Variants in CRACD observed in about 807,000 individuals in gnomAD.
The protein encoded by CRACD is capping protein-inhibiting regulator of actin dynamics.
In CRACD, 56 loss-of-function variants were observed where a neutral mutation model predicts 106.8. The ratio of observed to expected loss-of-function variants is 0.52; its 90% CI spans 0.42 to 0.66. The LOEUF is 0.66. Among genes scored for constraint, CRACD ranks in the 30% least tolerant of loss-of-function variants. The probability of loss-of-function intolerance (pLI) is 0.00; values close to 1 mark genes in which losing one functional copy is unlikely to be tolerated. For synonymous variants in CRACD, 754 were observed against 670.8 expected (o/e 1.12, Z -1.92); for missense variants, 1,730 against 1,623.2 (o/e 1.07, Z -1.13).
At chr4:56,292,563 C>T (rs184807955) in intron 3 of CRACD, among the ~76,000 whole-genome samples, 88 of 151,670 alleles carry the variant, frequency 5.8e-4, no homozygotes, top group Middle Eastern at 3.4e-3. Flanking sequence ...CTTGCTCTGT[C>T]GCCCAGGCTG....
intron 2 of CRACD, among the ~76,000 whole-genome samples, chr4:56,233,924 A>G (rs1346510627): frequency 6.6e-6 from 1 of 152,160 alleles, no homozygotes; most frequent in Non-Finnish European, 1.5e-5. Flanking sequence ...TGTCAGATTT[A>G]TCCCTAAGTA....
intron 1 of CRACD, among the ~76,000 whole-genome samples, chr4:56,092,595 TATTTTTTA>T (rs1553901499): frequency 6.6e-6 from 1 of 152,164 alleles, no homozygotes; most frequent in East Asian, 1.9e-4. Context: ...TTATTTTATT[TATTTTTTA>T]ATTTTTTAAT....
At chr4:56,101,037 G>A (rs1733758768) in intron 1 of CRACD, among the ~76,000 whole-genome samples, 1 of 152,150 alleles carries the variant, frequency 6.6e-6, no homozygotes, top group South Asian at 2.1e-4. Context: ...TTGAGGTGGG[G>A]AGGCAGTAGA....
intron 1 of CRACD, among the ~76,000 whole-genome samples, chr4:56,159,510 G>C (rs1735874882): frequency 6.6e-6 from 1 of 151,954 alleles, no homozygotes; most frequent in Non-Finnish European, 1.5e-5. Flanking sequence ...AAATTAGACG[G>C]GCGTGGTGGC....
rs111811548 is a variant in CRACD, at chr4:56,265,403, GGTGTGTGT to G, written c.-188-6885_-188-6878del. 2.5e-3 allele frequency among the ~76,000 whole-genome samples: 190 copies of G among 77,442 alleles called. 2 individuals are homozygous for G. The highest frequency in any genetic ancestry group is 4.4e-3 in the African/African-American group (106 of 23,992). 50.8% of individuals were successfully genotyped at this position (77,442 alleles called of 152,430 possible). A position where few individuals can be genotyped will look rare whatever the true frequency, so the allele number is the denominator to read the frequency against. ...AGTGTACTCAGGGGTATAGAGGAGG[GGTGTGTGT>G]GTGTGTGTGTGTGTGTGTGTGTGTG... On this transcript the variant is annotated intron_variant, in intron 2 of 10. Transcript: ENST00000682029.
chr4:56,159,117 T>G (rs1373004824), intron 1 of CRACD, among the ~76,000 whole-genome samples: 2 of 152,216 alleles, frequency 1.3e-5, no homozygotes, highest in Non-Finnish European at 1.5e-5. Context: ...ACTCAAGTCC[T>G]GTTATAAAGT....
At chr4:56,128,874 T>G (rs567153978) in intron 1 of CRACD, among the ~76,000 whole-genome samples, 18 of 152,312 alleles carry the variant, frequency 1.2e-4, no homozygotes, top group African/African-American at 4.3e-4. Flanking sequence ...TAAACTTAGC[T>G]ATATTCACTA....
intron 1 of CRACD, among the ~76,000 whole-genome samples, chr4:56,153,781 T>C (rs1735670579): frequency 6.6e-6 from 1 of 152,224 alleles, no homozygotes; most frequent in Non-Finnish European, 1.5e-5. Flanking sequence ...CTTCTTTTGG[T>C]TCCTTAGACA....
chr4:56,228,607 C>CAAAA (rs35810086), intron 2 of CRACD, among the ~76,000 whole-genome samples: 1 of 101,534 alleles, frequency 9.8e-6, no homozygotes, highest in African/African-American at 3.7e-5. Flanking sequence ...CCATCTCTAC[C>CAAAA]AAAAAAAAAA....
Position 56,315,803 on chromosome 4 carries a change from C to G in CRACD, c.2301C>G (p.Arg767=). 3 of 1,614,190 alleles carry G rather than the reference C, an allele frequency of 1.9e-6. No homozygotes were observed. The highest frequency in any genetic ancestry group is 2.5e-6 in the Non-Finnish European group (3 of 1,180,034). Residue 767 remains arginine, a synonymous_variant, in exon 8 of 11, where the codon CGC becomes CGG. Coordinates refer to ENST00000682029, the MANE Select transcript of CRACD (RefSeq NM_001393381.1). The surrounding 1 kb of genome is among the most constrained non-coding windows in gnomAD (Gnocchi z 4.1). ...TAPQPPPAGV[R]ELGKGPEKSE... ...CCCAGCCTCCTCCTGCTGGTGTTCGCGAGCTCGGGAAGGGTCCGGAGAAGT... is the reference window on the plus strand; with the variant it reads ...CCCAGCCTCCTCCTGCTGGTGTTCGGGAGCTCGGGAAGGGTCCGGAGAAGT...
intron 2 of CRACD, among the ~76,000 whole-genome samples, chr4:56,267,602 A>G (rs537089215): frequency 2.6e-5 from 4 of 152,316 alleles, no homozygotes; most frequent in African/African-American, 9.6e-5. Context: ...TGGTGTTTGT[A>G]GGACTTAGGA....
intron 1 of CRACD, among the ~76,000 whole-genome samples, chr4:56,080,658 T>C (rs1392264461): frequency 6.6e-6 from 1 of 152,218 alleles, no homozygotes; most frequent in Non-Finnish European, 1.5e-5. Flanking sequence ...GAGTATTGTA[T>C]GTGCTGTGGT....
Position 56,113,661 on chromosome 4 carries a change from C to T in CRACD, c.-336+64362C>T, listed in dbSNP as rs759057895. 5.1e-4 allele frequency among the ~76,000 whole-genome samples: 77 copies of T among 152,094 alleles called. 1 individual carries two copies. Among genetic ancestry groups the T allele is most frequent in the African/African-American group, 9.2e-4 (38 of 41,406 alleles). On this transcript the variant is annotated intron_variant, in intron 1 of 10. Coordinates refer to ENST00000682029, the MANE Select transcript of CRACD (RefSeq NM_001393381.1). ...GTGGCCTGATAGCACTTCATCATAG[C>T]GTTTATCTCAGAGTATTGGACAAAT...
chr4:56,152,731 G>A lies in CRACD; in HGVS notation c.-335-26553G>A, dbSNP rs147656450. 1.8e-4 allele frequency among the ~76,000 whole-genome samples: 28 copies of A among 151,704 alleles called. 1 individual carries two copies. The East Asian group carries it at 5.1e-3, about 28-fold the overall frequency. ...GATAAAATAAAGTGAAGTATTTTTG[G>A]CCAGTGAGAGGCACTTCAAGCTGGC... On this transcript the variant is annotated intron_variant, in intron 1 of 10. Transcript: ENST00000682029.
At chr4:56,078,843 C>A (rs929837124) in intron 1 of CRACD, among the ~76,000 whole-genome samples, 4 of 152,186 alleles carry the variant, frequency 2.6e-5, no homozygotes, top group South Asian at 4.1e-4. Context: ...TAAAGGGTGT[C>A]TCTTAGCCTG....
At position 56,090,507 on chromosome 4, in the gene CRACD, G is replaced by T. The variant is rs144186654; in HGVS notation, c.-336+41208G>T. On this transcript the variant is annotated intron_variant, in intron 1 of 10. Transcript: ENST00000682029. ...TGACCTCCCAGGCTCAAGCAATTCT[G>T]CCTCAGCCTCCCGAGTAGCTGGGAC... Among the ~76,000 whole-genome samples, 1,455 of 152,152 alleles carry T rather than the reference G, an allele frequency of 9.6e-3. 27 individuals carry two copies. The highest frequency in any genetic ancestry group is 0.065 in the East Asian group (337 of 5,172).
chr4:56,095,388 G>A lies in CRACD; in HGVS notation c.-336+46089G>A, dbSNP rs191264945. On this transcript the variant is annotated intron_variant, in intron 1 of 10. Coordinates refer to ENST00000682029, the MANE Select transcript of CRACD (RefSeq NM_001393381.1). ...CTATTGTTATCGCAGTGGAGAAATA[G>A]CGACGGCAGTAGAGACAAAGTGGGG... 1.6e-4 allele frequency among the ~76,000 whole-genome samples: 25 copies of A among 152,300 alleles called. 1 individual carries two copies. The highest frequency in any genetic ancestry group is 1.2e-3 in the Admixed American group (18 of 15,288).
chr4:56,207,151 A>T (rs1160965046), intron 2 of CRACD, among the ~76,000 whole-genome samples: 1 of 152,230 alleles, frequency 6.6e-6, no homozygotes, highest in Non-Finnish European at 1.5e-5. Context: ...TCAATTCCTT[A>T]CAACTGAATC....
intron 2 of CRACD, among the ~76,000 whole-genome samples, chr4:56,182,584 A>G (rs1473008904): frequency 1.3e-5 from 2 of 152,042 alleles, no homozygotes; most frequent in Non-Finnish European, 2.9e-5. Flanking sequence ...TGGAGCTGAC[A>G]AGACACTGCC....
Sources: gnomAD v4.1 joint callset for allele counts (sites outside exome capture counted in the v4.1 genomes callset) on GRCh38, gnomAD v4.1.1 for gene constraint, Gnocchi (gnomAD v3.1) non-coding constraint, MANE v1.5 for transcripts, NCBI Gene and HGNC (gene_info 2026-07-23, HGNC 2026-07-21) for gene names.